The following ME2 variants were observed in gnomAD, a reference collection of about 807,000 sequenced individuals.
ME2 encodes malic enzyme 2.
A neutral mutation model predicts 73.7 loss-of-function variants in ME2; 60 were observed. The observed-to-expected ratio is 0.81, with a 90% confidence interval of 0.66 to 1.01. The LOEUF (loss-of-function observed/expected upper bound fraction) is 1.01, where lower values mean the gene tolerates loss of function less well. Ranked by LOEUF, ME2 falls within the 50% of genes least tolerant of loss-of-function variation. The pLI is 0.00. For missense variants in ME2, 594 were observed against 705.5 expected, an observed-to-expected ratio of 0.84 and a Z score of 1.79; for synonymous variants, 199 against 236.9, an observed-to-expected ratio of 0.84 and a Z score of 1.47.
At position 50,954,111 on chromosome 18, in the gene ME2, A is replaced by G. The variant is rs1918275335; in HGVS notation, c.*6927A>G. On this transcript the variant is annotated 3_prime_UTR_variant, in exon 16 of 16. Transcript: ENST00000321341. ...AAGAGGAATGCCTTGTATAGAACAT[A>G]TTATACCAGATTGACTTGTTAAAAA... The G allele has an allele frequency of 6.6e-6, 1 of 152,248 alleles. No homozygotes were observed. The allele number at this position is 152,248 out of a possible 1,614,324, so 9.4% of individuals were successfully genotyped here.
At chr18:50,911,477 G>C (rs985290132) in intron 3 of ME2, among the ~76,000 whole-genome samples, 2 of 152,206 alleles carry the variant, frequency 1.3e-5, no homozygotes, top group African/African-American at 4.8e-5. Context: ...ACTGGAGGAA[G>C]CCAGAAAGTC....
rs760021312 is a variant in ME2 at position 50,912,978 on chromosome 18, A to G, written c.392+28A>G. 1.6e-5 allele frequency: 25 copies of G among 1,556,418 alleles called. No homozygotes were observed. In the South Asian group the frequency reaches 3.0e-4, roughly 18 times the overall value. ...AAGGCTTGTTTAAAAAAAAGCTTGTAAATGATTATTGAATAAGGAAAATAT... is the reference window on the plus strand; with the variant it reads ...AAGGCTTGTTTAAAAAAAAGCTTGTGAATGATTATTGAATAAGGAAAATAT... On this transcript the variant is annotated intron_variant, in intron 4 of 15. Coordinates refer to ENST00000321341, the MANE Select transcript of ME2 (RefSeq NM_002396.5).
At position 50,954,011 on chromosome 18, in the gene ME2, GC is replaced by G. The variant is rs1918273518; in HGVS notation, c.*6829del. On this transcript the variant is annotated 3_prime_UTR_variant, in exon 16 of 16. Coordinates refer to ENST00000321341, the MANE Select transcript of ME2 (RefSeq NM_002396.5). ...GCCACGTATTGCAAGTCATTGCTTA[GC>G]CTTTCACATCTGAGTGTTGATAAGA... 6.6e-6 allele frequency: 1 copy of G among 152,160 alleles called. No homozygotes were observed. The highest frequency in any genetic ancestry group is 1.9e-4 in the East Asian group (1 of 5,198). 9.4% of individuals were successfully genotyped at this position (152,160 alleles called of 1,614,324 possible). A position where few individuals can be genotyped will look rare whatever the true frequency, so the allele number is the denominator to read the frequency against.
At chr18:50,919,673 G>A (rs1317728225) in intron 7 of ME2, among the ~76,000 whole-genome samples, 1 of 151,718 alleles carries the variant, frequency 6.6e-6, no homozygotes, top group Non-Finnish European at 1.5e-5. Context: ...TGCCACTCCC[G>A]TCTCCCCACA....
At chr18:50,930,904 A>G (rs974949507) in intron 12 of ME2, among the ~76,000 whole-genome samples, 1 of 152,240 alleles carries the variant, frequency 6.6e-6, no homozygotes, top group Admixed American at 6.5e-5. Flanking sequence ...GTAGAAAATG[A>G]TATAACAATA....
intron 2 of ME2, among the ~76,000 whole-genome samples, chr18:50,897,244 T>C (rs189133475): frequency 1.7e-3 from 254 of 152,350 alleles, no homozygotes; most frequent in Non-Finnish European, 2.4e-3. Context: ...AATACTTCTG[T>C]GTATCTTTTA....
intron 3 of ME2, 118 bp from the exon 4 acceptor site, chr18:50,912,683 T>C (rs1040770674): frequency 5.1e-5 from 43 of 850,764 alleles, no homozygotes; most frequent in Non-Finnish European, 7.0e-5. Context: ...TTTTTTAGAA[T>C]GTGATGTGAG....
At chr18:50,906,219 AT>A (rs1337741566) in intron 2 of ME2, among the ~76,000 whole-genome samples, 2 of 152,312 alleles carry the variant, frequency 1.3e-5, no homozygotes, top group African/African-American at 4.8e-5. Context: ...AAAACTGGAC[AT>A]TTTAAATAAG....
chr18:50,929,886 T>C (rs1226583903), intron 12 of ME2, among the ~76,000 whole-genome samples: 1 of 152,074 alleles, frequency 6.6e-6, no homozygotes, highest in East Asian at 1.9e-4. Flanking sequence ...GTGTTTCGAG[T>C]AGTAGTGGTA....
At chr18:50,918,263 G>A (rs2144233635) in intron 7 of ME2, 50 bp downstream of exon 7, 1 of 1,270,292 alleles carries the variant, frequency 7.9e-7, no homozygotes, top group East Asian at 2.4e-5. Context: ...TGGGGTGGGT[G>A]GGGTAAGAAC....
intron 1 of ME2, among the ~76,000 whole-genome samples, chr18:50,887,748 T>C (rs960575707): frequency 6.6e-6 from 1 of 152,160 alleles, no homozygotes; most frequent in Non-Finnish European, 1.5e-5. Flanking sequence ...CAAGGGTTGG[T>C]TTCCACAACA....
Position 50,920,458 on chromosome 18 carries a change from A to G in ME2, c.737A>G (p.Tyr246Cys). ...ATTGTGGGTTTTGCTGTTTTTAGAT[A>G]TGGCCGGAACACACTCATTCAGTTC... ...DEFMKAITDR[Y>C]GRNTLIQFED... The change falls in exon 8 of 16, where the codon TAT becomes TGT. Residue 246 changes from tyrosine (Y) to cysteine (C), a missense_variant and splice_region_variant. Physicochemically the swap from Tyr to Cys is radical, Grantham distance 194 (BLOSUM62 -2). Coordinates refer to ENST00000321341, the MANE Select transcript of ME2 (RefSeq NM_002396.5). 6.3e-7 allele frequency: 1 copy of G among 1,591,284 alleles called. No individual in the cohort carries two copies. Among genetic ancestry groups the G allele is most frequent in the East Asian group, 2.2e-5 (1 of 44,630 alleles).
intron 1 of ME2, among the ~76,000 whole-genome samples, chr18:50,892,191 T>C (rs188403211): frequency 6.6e-6 from 1 of 152,288 alleles, no homozygotes; most frequent in East Asian, 1.9e-4. Flanking sequence ...GTTTGAAAGG[T>C]TTTGCTAACT....
intron 13 of ME2, among the ~76,000 whole-genome samples, chr18:50,936,080 G>T (rs1170521761): frequency 6.6e-6 from 1 of 151,982 alleles, no homozygotes; most frequent in Non-Finnish European, 1.5e-5. Context: ...GAACATTATT[G>T]TGAGGCTTCA....
At chr18:50,888,970 G>A (rs1297454868) in intron 1 of ME2, among the ~76,000 whole-genome samples, 1 of 152,094 alleles carries the variant, frequency 6.6e-6, no homozygotes, top group Admixed American at 6.6e-5. Flanking sequence ...TCAAGCCAGT[G>A]TATTCTGGAT....
At chr18:50,879,461 G>T (rs1916259436) in intron 1 of ME2, among the ~76,000 whole-genome samples, 153 bp downstream of exon 1, 2 of 152,102 alleles carry the variant, frequency 1.3e-5, no homozygotes, top group Admixed American at 1.3e-4. Flanking sequence ...GGGGGCTGGG[G>T]GAAGGGAAGC....
rs946506821 is a variant in ME2, at chr18:50,952,033, A to G, written c.*4849A>G. On this transcript the variant is annotated 3_prime_UTR_variant, in exon 16 of 16. Transcript: ENST00000321341. ...TTTAAAGGGAAGTCCTAAGAATGAAATGGCACCAGCATCCTGTTTCCATCC... is the reference window on the plus strand; with the variant it reads ...TTTAAAGGGAAGTCCTAAGAATGAAGTGGCACCAGCATCCTGTTTCCATCC... The G allele has an allele frequency of 6.6e-6, 1 of 152,134 alleles. No individual in the cohort carries two copies. The highest frequency in any genetic ancestry group is 1.5e-5 in the Non-Finnish European group (1 of 68,044). The allele number at this position is 152,134 out of a possible 1,614,324, so 9.4% of individuals were successfully genotyped here.
chr18:50,928,383 G>A (rs1257581474), intron 12 of ME2, among the ~76,000 whole-genome samples: 1 of 151,246 alleles, frequency 6.6e-6, no homozygotes, highest in Non-Finnish European at 1.5e-5. Flanking sequence ...GTAGCTGGGT[G>A]CCCGCCACCA....
chr18:50,934,093 G>C (rs1457459573), intron 13 of ME2: 2 of 152,108 alleles, frequency 1.3e-5, no homozygotes, highest in Non-Finnish European at 2.9e-5. Context: ...TGGGCATTTA[G>C]ATTAATTCTA....
Sources: allele counts gnomAD v4.1 joint callset (sites outside exome capture counted in the v4.1 genomes callset), GRCh38; gene constraint gnomAD v4.1.1; transcripts MANE v1.5; gene names NCBI Gene and HGNC (gene_info 2026-07-23, HGNC 2026-07-21).